The following SLC39A11 variants were observed in gnomAD, a reference collection of about 807,000 sequenced individuals.
SLC39A11 encodes solute carrier family 39 member 11.
SLC39A11 carries 33 observed loss-of-function variants against 36.1 expected under a neutral mutation model. The ratio of observed to expected loss-of-function variants is 0.91; its 90% CI spans 0.69 to 1.22. The LOEUF (loss-of-function observed/expected upper bound fraction) is 1.22, where lower values mean the gene tolerates loss of function less well. Among genes scored for constraint, SLC39A11 ranks in the 50% most tolerant of loss-of-function variants. SLC39A11 has a pLI of 0.00. For missense variants in SLC39A11, 432 were observed against 430.3 expected, an observed-to-expected ratio of 1.00 and a Z score of -0.03; for synonymous variants, 166 against 170.3, an observed-to-expected ratio of 0.97 and a Z score of 0.20.
chr17:72,766,929 C>G (rs2075778514), intron 6 of SLC39A11, among the ~76,000 whole-genome samples: 1 of 152,178 alleles, frequency 6.6e-6, no homozygotes, highest in Admixed American at 6.5e-5. Flanking sequence ...CCAAGATAAC[C>G]TCCCCTCCAG....
intron 3 of SLC39A11, among the ~76,000 whole-genome samples, chr17:73,061,641 C>T (rs1313657408): frequency 2.6e-5 from 4 of 152,142 alleles, no homozygotes; most frequent in Non-Finnish European, 4.4e-5. Flanking sequence ...TAAGCGTAGA[C>T]TCATAGAGGG....
At chr17:73,007,762 T>C (rs1355529748) in intron 4 of SLC39A11, among the ~76,000 whole-genome samples, 2 of 152,152 alleles carry the variant, frequency 1.3e-5, no homozygotes, top group African/African-American at 4.8e-5. Flanking sequence ...CTGGACTTGA[T>C]GGGAAGATAG....
At chr17:72,900,089 AAAGAGAAAAG>A (rs1462129089) in intron 5 of SLC39A11, among the ~76,000 whole-genome samples, 13 of 112,374 alleles carry the variant, frequency 1.2e-4, no homozygotes, top group Admixed American at 3.6e-4. Flanking sequence ...AGAGAAAGAG[AAAGAGAAAAG>A]AAAGAAAGAA....
intron 5 of SLC39A11, among the ~76,000 whole-genome samples, chr17:72,851,344 G>C (rs188642667): frequency 8.1e-4 from 123 of 152,334 alleles, no homozygotes; most frequent in Admixed American, 4.3e-3. Context: ...GAGTGGGAGA[G>C]AGCATCCAGC....
At chr17:72,996,545 A>G (rs952663255) in intron 4 of SLC39A11, among the ~76,000 whole-genome samples, 1 of 151,734 alleles carries the variant, frequency 6.6e-6, no homozygotes, top group African/African-American at 2.4e-5. Flanking sequence ...AACCCTCAGC[A>G]CTCCTTGGCT....
chr17:72,782,175 G>A (rs2076340335), intron 6 of SLC39A11, among the ~76,000 whole-genome samples: 2 of 152,082 alleles, frequency 1.3e-5, no homozygotes. Context: ...GACACCCAGA[G>A]GAGAAGACAA....
At chr17:73,083,390 T>C (rs993521929) in intron 3 of SLC39A11, among the ~76,000 whole-genome samples, 1 of 152,216 alleles carries the variant, frequency 6.6e-6, no homozygotes, top group African/African-American at 2.4e-5. Flanking sequence ...CTGACTCAGA[T>C]GGCCTCTGGC....
chr17:72,829,140 A>G (rs2078159626), intron 6 of SLC39A11, among the ~76,000 whole-genome samples: 1 of 152,022 alleles, frequency 6.6e-6, no homozygotes, highest in Non-Finnish European at 1.5e-5. Context: ...TCACTTGAGC[A>G]CAAGAGTTTG....
chr17:73,004,215 G>GAAAAGA (rs1555674168), intron 4 of SLC39A11, among the ~76,000 whole-genome samples: 2 of 121,700 alleles, frequency 1.6e-5, no homozygotes, highest in African/African-American at 6.0e-5. Flanking sequence ...AAGAAAGAAA[G>GAAAAGA]AAAGAAAGAA....
chr17:72,709,882 T>C (rs1323484491), intron 7 of SLC39A11, among the ~76,000 whole-genome samples: 1 of 152,246 alleles, frequency 6.6e-6, no homozygotes, highest in Non-Finnish European at 1.5e-5. Context: ...ATTGCAATTT[T>C]CTTTTCATTA....
intron 6 of SLC39A11, among the ~76,000 whole-genome samples, chr17:72,756,181 T>C (rs1041057366): frequency 6.6e-6 from 1 of 152,236 alleles, no homozygotes; most frequent in Non-Finnish European, 1.5e-5. Flanking sequence ...CATATGGTGA[T>C]AGCAGTTGTG....
chr17:73,000,171 T>C (rs1464664347), intron 4 of SLC39A11, among the ~76,000 whole-genome samples: 3 of 152,146 alleles, frequency 2.0e-5, no homozygotes, highest in Admixed American at 6.5e-5. Context: ...TGCACCGGGA[T>C]AGTCAGACTA....
chr17:72,909,812 C>T (rs1419787629), intron 5 of SLC39A11, among the ~76,000 whole-genome samples: 1 of 149,454 alleles, frequency 6.7e-6, no homozygotes, highest in Non-Finnish European at 1.5e-5. Flanking sequence ...GTGGCGTGAT[C>T]TCGGCTCACT....
At chr17:72,764,487 C>T (rs1196874714) in intron 6 of SLC39A11, among the ~76,000 whole-genome samples, 2 of 152,130 alleles carry the variant, frequency 1.3e-5, no homozygotes, top group African/African-American at 4.8e-5. Flanking sequence ...TGGTTAGGGG[C>T]ACTGGGTCCT....
intron 7 of SLC39A11, among the ~76,000 whole-genome samples, chr17:72,670,621 A>G (rs1236785612): frequency 6.6e-6 from 1 of 152,192 alleles, no homozygotes; most frequent in African/African-American, 2.4e-5. Flanking sequence ...TCTTTATTCG[A>G]TGGATCATAA....
At chr17:72,917,451 G>T (rs1331559923) in intron 5 of SLC39A11, among the ~76,000 whole-genome samples, 1 of 152,122 alleles carries the variant, frequency 6.6e-6, no homozygotes, top group Non-Finnish European at 1.5e-5. Flanking sequence ...AAGTGAGGGG[G>T]GATTTGGGAA....
chr17:72,791,001 G>A (rs1012322903), intron 6 of SLC39A11, among the ~76,000 whole-genome samples: 3 of 152,164 alleles, frequency 2.0e-5, no homozygotes, highest in Admixed American at 1.3e-4. Context: ...ATATTTACAC[G>A]AATCCAGTGG....
At chr17:72,866,465 C>A (rs924847206) in intron 5 of SLC39A11, among the ~76,000 whole-genome samples, 2 of 152,082 alleles carry the variant, frequency 1.3e-5, no homozygotes, top group Non-Finnish European at 2.9e-5. Context: ...AGAACCATCC[C>A]CCACAACCCC....
chr17:73,042,907 G>A (rs2059156232), intron 3 of SLC39A11, among the ~76,000 whole-genome samples: 1 of 152,204 alleles, frequency 6.6e-6, no homozygotes, highest in Admixed American at 6.5e-5. Flanking sequence ...ACAGTTAAAA[G>A]TCAATCAGCA....
Sources: gnomAD v4.1 joint callset for allele counts (sites outside exome capture counted in the v4.1 genomes callset) on GRCh38, gnomAD v4.1.1 for gene constraint, MANE v1.5 for transcripts, NCBI Gene and HGNC (gene_info 2026-07-23, HGNC 2026-07-21) for gene names.